TCF4: variants seen among roughly 807,000 people sequenced by gnomAD.
The protein encoded by TCF4 is transcription factor 4, also known as SL3-3 enhancer factor 2.
In TCF4, 3 loss-of-function variants were observed where a neutral mutation model predicts 82.1. The observed-to-expected ratio is 0.04, with a 90% CI of 0.02 to 0.09. TCF4 has a LOEUF of 0.09. Among genes scored for constraint, TCF4 ranks in the 10% least tolerant of loss-of-function variants. The pLI, the probability that TCF4 is intolerant of heterozygous loss-of-function variation, is 1.00. For missense variants in TCF4, 518 were observed against 852.7 expected (o/e 0.61, Z 4.89); for synonymous variants, 276 against 309.6 (o/e 0.89, Z 1.14).
intron 5 of TCF4, among the ~76,000 whole-genome samples, chr18:55,448,990 G>A (rs1460223869): frequency 1.1e-4 from 16 of 152,034 alleles, no homozygotes; most frequent in Non-Finnish European, 2.2e-4. Flanking sequence ...ACGACTTTGC[G>A]AAAAATGGAA....
intron 10 of TCF4, 147 bp from the exon 11 acceptor site, chr18:55,270,110 TC>T: frequency 1.9e-6 from 2 of 1,046,262 alleles, no homozygotes; most frequent in Non-Finnish European, 2.9e-6. Context: ...CTTGTTTAGA[TC>T]TGACAGCTTT....
intron 16 of TCF4, among the ~76,000 whole-genome samples, chr18:55,233,766 C>A (rs528267738): frequency 6.8e-6 from 1 of 146,414 alleles, no homozygotes; most frequent in East Asian, 2.0e-4. Context: ...TTGCAGTGAG[C>A]TGAGATCGCA....
chr18:55,402,721 C>A (rs1030861187), intron 6 of TCF4, among the ~76,000 whole-genome samples: 10 of 152,092 alleles, frequency 6.6e-5, no homozygotes, highest in African/African-American at 2.2e-4. Context: ...TGAAACAAAG[C>A]TTATACTTTT....
chr18:55,285,185 A>G (rs768027462), intron 8 of TCF4, among the ~76,000 whole-genome samples: 6 of 152,216 alleles, frequency 3.9e-5, no homozygotes, highest in Non-Finnish European at 8.8e-5. Context: ...CAGCATCCGG[A>G]CAGTACATAC....
intron 6 of TCF4, among the ~76,000 whole-genome samples, chr18:55,365,183 A>ATATATATGTGTGTGTGTGTGTGTG (rs2086588970): frequency 6.6e-5 from 7 of 106,866 alleles, no homozygotes; most frequent in African/African-American, 1.9e-4. Flanking sequence ...ATATATATAT[A>ATATATATGTGTGTGTGTGTGTGTG]TATATATATG....
chr18:55,587,855 C>A (rs1400596621), intron 1 of TCF4, among the ~76,000 whole-genome samples, 183 bp downstream of exon 1: 1 of 6,586 alleles, frequency 1.5e-4, no homozygotes, highest in African/African-American at 5.4e-4. Flanking sequence ...AGGGGAGGGG[C>A]GGGGGGGCTG....
chr18:55,300,121 C>T (rs2067727458), intron 8 of TCF4, among the ~76,000 whole-genome samples: 1 of 151,858 alleles, frequency 6.6e-6, no homozygotes, highest in Admixed American at 6.6e-5. Flanking sequence ...CACACACACA[C>T]ACACCCCACA....
chr18:55,353,684 T>C (rs868395682), intron 6 of TCF4, among the ~76,000 whole-genome samples: 1 of 152,198 alleles, frequency 6.6e-6, no homozygotes, highest in African/African-American at 2.4e-5. Flanking sequence ...TACTTAACTC[T>C]CTGTAGCAAT....
intron 8 of TCF4, among the ~76,000 whole-genome samples, chr18:55,330,176 A>ATTTTTTTTTT (rs3077897): frequency 9.1e-6 from 1 of 110,478 alleles, no homozygotes; most frequent in Non-Finnish European, 1.8e-5. Context: ...GCAATGTTGG[A>ATTTTTTTTTT]TTTTTTTTTT....
intron 3 of TCF4, among the ~76,000 whole-genome samples, chr18:55,470,323 C>T (rs543587983): frequency 1.5e-4 from 23 of 152,256 alleles, no homozygotes; most frequent in Admixed American, 5.9e-4. Context: ...TTCTGCTAAA[C>T]AGGTCAGTGA....
intron 8 of TCF4, among the ~76,000 whole-genome samples, chr18:55,343,368 A>G (rs1287225592): frequency 6.6e-6 from 1 of 152,090 alleles, no homozygotes; most frequent in Non-Finnish European, 1.5e-5. Flanking sequence ...TAACACACAC[A>G]CAGTTCCTCT....
chr18:55,428,793 C>CA (rs2095082365), intron 5 of TCF4, among the ~76,000 whole-genome samples: 1 of 152,086 alleles, frequency 6.6e-6, no homozygotes, highest in African/African-American at 2.4e-5. Flanking sequence ...TGTTTGGTGT[C>CA]AAAAAACAAT....
At chr18:55,314,610 C>T (rs1405589674) in intron 8 of TCF4, among the ~76,000 whole-genome samples, 1 of 149,652 alleles carries the variant, frequency 6.7e-6, no homozygotes, top group Non-Finnish European at 1.5e-5. Flanking sequence ...AAAGGGAGTA[C>T]AGGGCACTTG....
chr18:55,468,189 C>G (rs1358876755), intron 3 of TCF4, among the ~76,000 whole-genome samples: 3 of 152,146 alleles, frequency 2.0e-5, no homozygotes, highest in Non-Finnish European at 4.4e-5. Context: ...ATTTGAAGGA[C>G]CCAAGTGACT....
Position 55,251,426 on chromosome 18 carries a change from T to C in TCF4, c.1350+3071A>G, listed in dbSNP as rs546124254. ...TATGAATCAAAAGCTAAGGACAATA[T>C]GTTAGCAATTAAATGAGATAACATA... On this transcript the variant is annotated intron_variant, in intron 15 of 19. Coordinates refer to ENST00000354452, the MANE Select transcript of TCF4 (RefSeq NM_001083962.2). Among the ~76,000 whole-genome samples, 3 of 152,274 alleles carry C rather than the reference T, an allele frequency of 2.0e-5. No individual in the cohort carries two copies. The South Asian group carries it at 6.2e-4, about 32-fold the overall frequency.
intron 5 of TCF4, among the ~76,000 whole-genome samples, chr18:55,459,572 T>C (rs1292592323): frequency 6.6e-6 from 1 of 152,196 alleles, no homozygotes; most frequent in Non-Finnish European, 1.5e-5. Flanking sequence ...TTATTCTAAG[T>C]GGTTGTGTGG....
At chr18:55,528,951 G>A (rs551398306) in intron 3 of TCF4, among the ~76,000 whole-genome samples, 12 of 152,290 alleles carry the variant, frequency 7.9e-5, no homozygotes, top group Admixed American at 4.6e-4. Context: ...GCCAAGGTGC[G>A]TGGGTCACCT....
intron 10 of TCF4, 78 bp from the exon 11 acceptor site, chr18:55,270,041 C>T: frequency 1.9e-6 from 3 of 1,569,060 alleles, no homozygotes; most frequent in Non-Finnish European, 2.6e-6. Context: ...ACTTTTCTCA[C>T]AACTCTCTAT....
chr18:55,622,150 T>TAC (rs10654991), intron 2 of TCF4, among the ~76,000 whole-genome samples: 54,175 of 139,222 alleles, frequency 0.39, 11,081 homozygotes, highest in African/African-American at 0.55. Context: ...CCTTCAAGAT[T>TAC]ACACACACAC....
Sources: gnomAD v4.1 joint callset for allele counts (sites outside exome capture counted in the v4.1 genomes callset) on GRCh38, gnomAD v4.1.1 for gene constraint, MANE v1.5 for transcripts, NCBI Gene and HGNC (gene_info 2026-07-23, HGNC 2026-07-21) for gene names.